The following RWDD4 variants were observed in gnomAD, a reference collection of about 807,000 sequenced individuals.
The protein encoded by RWDD4 is RWD domain-containing protein 4.
A neutral mutation model predicts 30.0 loss-of-function variants in RWDD4; 16 were observed. The ratio of observed to expected loss-of-function variants is 0.53; its 90% CI spans 0.36 to 0.81. RWDD4 has a LOEUF of 0.81. RWDD4 is among the 30% of genes least tolerant of loss of function. The pLI is 0.00. For synonymous variants in RWDD4, 45 were observed against 72.1 expected (o/e 0.62, Z 1.90); for missense variants, 170 against 223.9 (o/e 0.76, Z 1.54).
Position 183,641,520 on chromosome 4 carries a change from T to C in RWDD4, c.535-52A>G. The C allele has an allele frequency of 1.4e-6, 2 of 1,387,124 alleles. 1 individual carries two copies. Among genetic ancestry groups the C allele is most frequent in the South Asian group, 2.4e-5 (2 of 84,230 alleles). 85.9% of individuals were successfully genotyped at this position (1,387,124 alleles called of 1,614,324 possible). ...AACAAGTGGTATTTTCTGAGTTCACTATTTCCATGGAGTATCAAAATTAAA... is the reference window on the plus strand; with the variant it reads ...AACAAGTGGTATTTTCTGAGTTCACCATTTCCATGGAGTATCAAAATTAAA... On this transcript the variant is annotated intron_variant, in intron 7 of 7. Transcript: ENST00000326397.
At chr4:183,641,547 T>A in intron 7 of RWDD4, 79 bp from the exon 8 acceptor site, 1 of 1,112,874 alleles carries the variant, frequency 9.0e-7, no homozygotes, top group Non-Finnish European at 1.4e-6. Context: ...AAAATTAAAC[T>A]ATAGGCAACG....
At chr4:183,658,354 T>C (rs1469761134) in intron 1 of RWDD4, among the ~76,000 whole-genome samples, 3 of 152,118 alleles carry the variant, frequency 2.0e-5, no homozygotes, top group African/African-American at 7.2e-5. Flanking sequence ...AACTCTAATA[T>C]TATATGATTC....
Position 183,655,966 on chromosome 4 carries a change from A to T in RWDD4, c.25-5T>A. On this transcript the variant is annotated splice_region_variant and splice_polypyrimidine_tract_variant and intron_variant, in intron 1 of 7. Transcript: ENST00000326397. Reference sequence around the variant, plus strand: ...GCGTAATGCTTCTAGTTCCATCTGAAATAAAGAACTGAATGAGTTTTGTTT... The same window carrying T: ...GCGTAATGCTTCTAGTTCCATCTGATATAAAGAACTGAATGAGTTTTGTTT... 6.3e-7 allele frequency: 1 copy of T among 1,593,256 alleles called. No individual in the cohort carries two copies. The highest frequency in any genetic ancestry group is 8.6e-7 in the Non-Finnish European group (1 of 1,163,986).
At position 183,641,408 on chromosome 4, in the gene RWDD4, G is replaced by C. The variant is rs1353576978; in HGVS notation, c.*28C>G. On this transcript the variant is annotated 3_prime_UTR_variant, in exon 8 of 8. Coordinates refer to ENST00000326397, the MANE Select transcript of RWDD4 (RefSeq NM_152682.4). ...AACCCAGTTTTACTCTTTAAAGAATGCTCTTTCCTTGTCTCAAATTCCAAG... is the reference window on the plus strand; with the variant it reads ...AACCCAGTTTTACTCTTTAAAGAATCCTCTTTCCTTGTCTCAAATTCCAAG... 6.4e-7 allele frequency: 1 copy of C among 1,568,626 alleles called. No individual in the cohort carries two copies. The highest frequency in any genetic ancestry group is 1.4e-5 in the African/African-American group (1 of 73,698).
intron 7 of RWDD4, among the ~76,000 whole-genome samples, chr4:183,641,786 A>G (rs1733860972): frequency 6.6e-6 from 1 of 152,098 alleles, no homozygotes; most frequent in Non-Finnish European, 1.5e-5. Context: ...AATGAATGAC[A>G]CTCTTCAAAA....
rs1295761291 is a variant in RWDD4 at position 183,651,227 on chromosome 4, T to A, written c.206A>T (p.Asn69Ile). 5 of 1,613,584 alleles carry A rather than the reference T, an allele frequency of 3.1e-6. No individual in the cohort carries two copies. The highest frequency in any genetic ancestry group is 3.4e-6 in the Non-Finnish European group (4 of 1,179,860). Reference protein sequence around the residue: ...PPILSMNAFFNNTISSAVKQS... With the variant: ...PPILSMNAFFINTISSAVKQS... ...ACAAGACACTACTCACATGGTGTTG[T>A]TAAAAAAAGCGTTCATAGATAGAAT... The change falls in exon 3 of 8, where the codon AAC (asparagine) becomes ATC (isoleucine). Residue 69 changes from asparagine to isoleucine, a missense_variant. By Grantham distance (149) the Asn-to-Ile change is moderately radical. Transcript: ENST00000326397.
rs112186696 is a variant in RWDD4, at chr4:183,647,715, C to T, written c.482-1178G>A. Among the ~76,000 whole-genome samples, 581 of 152,266 alleles carry T rather than the reference C, an allele frequency of 3.8e-3. 3 individuals carry two copies. The highest frequency in any genetic ancestry group is 0.013 in the African/African-American group (554 of 41,558). Reference sequence around the variant, plus strand: ...TATTCAAAGAGAGATAAACCAAATTCTAGACAACAAACTGTAATGGCTAAC... The same window carrying T: ...TATTCAAAGAGAGATAAACCAAATTTTAGACAACAAACTGTAATGGCTAAC... On this transcript the variant is annotated intron_variant, in intron 5 of 7. Transcript: ENST00000326397.
chr4:183,647,474 A>G (rs1272715533), intron 5 of RWDD4, among the ~76,000 whole-genome samples: 2 of 152,180 alleles, frequency 1.3e-5, no homozygotes, highest in African/African-American at 2.4e-5. Context: ...AATTTTGGTT[A>G]ACTAAAACTT....
At chr4:183,650,634 C>G (rs1734055441) in intron 4 of RWDD4, among the ~76,000 whole-genome samples, 1 of 152,064 alleles carries the variant, frequency 6.6e-6, no homozygotes, top group African/African-American at 2.4e-5. Context: ...ATGCAGAAAG[C>G]AATTTCATAC....
At chr4:183,652,727 T>C (rs559250542) in intron 2 of RWDD4, among the ~76,000 whole-genome samples, 1 of 151,650 alleles carries the variant, frequency 6.6e-6, no homozygotes, top group South Asian at 2.1e-4. Context: ...GGAGAATCGC[T>C]TGAATCTGGT....
In RWDD4 at chr4:183,658,913, G is replaced by A; in HGVS notation, c.24+16C>T. The stretch of plus-strand genomic sequence containing the variant: ...CGCGCCCGCGCTGGGAGAGGGCCCT[G>A]AGCCGGGGGGCTCACCTCCTGGTCC... On this transcript the variant is annotated intron_variant, in intron 1 of 7. Transcript: ENST00000326397. The A allele has an allele frequency of 3.2e-6, 4 of 1,262,274 alleles. No homozygotes were observed. Among genetic ancestry groups the A allele is most frequent in the Non-Finnish European group, 4.0e-6 (4 of 1,005,116 alleles). 78.2% of individuals were successfully genotyped at this position (1,262,274 alleles called of 1,614,324 possible). A position where few individuals can be genotyped will look rare whatever the true frequency, so the allele number is the denominator to read the frequency against.
intron 7 of RWDD4, among the ~76,000 whole-genome samples, chr4:183,643,687 C>T (rs1295962956): frequency 2.0e-5 from 3 of 151,618 alleles, no homozygotes; most frequent in South Asian, 2.1e-4. Context: ...GAGGCCAAGG[C>T]GGGTGGATCA....
At chr4:183,658,780 G>T in intron 1 of RWDD4, 149 bp downstream of exon 1, 1 of 595,648 alleles carries the variant, frequency 1.7e-6, no homozygotes. Context: ...GCGCGCTTGG[G>T]TGGGACGCCG....
At chr4:183,646,658 A>C in intron 5 of RWDD4, 121 bp from the exon 6 acceptor site, 1 of 799,588 alleles carries the variant, frequency 1.3e-6, no homozygotes, top group Non-Finnish European at 1.9e-6. Flanking sequence ...CATATTACTA[A>C]GTTGGAAAAA....
At chr4:183,654,083 G>C (rs1561013616) in intron 2 of RWDD4, among the ~76,000 whole-genome samples, 1 of 152,042 alleles carries the variant, frequency 6.6e-6, no homozygotes, top group Non-Finnish European at 1.5e-5. Context: ...GTGAGAGAAA[G>C]ATCAAACAAT....
chr4:183,657,640 A>G (rs1406276417), intron 1 of RWDD4, among the ~76,000 whole-genome samples: 1 of 152,252 alleles, frequency 6.6e-6, no homozygotes, highest in East Asian at 1.9e-4. Flanking sequence ...TAGACAAAAC[A>G]GCAAGATGCC....
In RWDD4 at chr4:183,646,347, T is replaced by C; in HGVS notation, c.534+4A>G. The C allele has an allele frequency of 9.8e-7, 1 of 1,021,556 alleles. No individual in the cohort carries two copies. Among genetic ancestry groups the C allele is most frequent in the Non-Finnish European group, 1.6e-6 (1 of 641,920 alleles). 63.3% of individuals were successfully genotyped at this position (1,021,556 alleles called of 1,614,324 possible). ...AATGTAAAAGGTATTTCAAAAATAC[T>C]TACATGCTGAATGTAAAAAAGGAAA... On this transcript the variant is annotated splice_donor_region_variant and intron_variant, in intron 7 of 7. Coordinates refer to ENST00000326397, the MANE Select transcript of RWDD4 (RefSeq NM_152682.4).
chr4:183,643,002 T>C (rs1733890771), intron 7 of RWDD4, among the ~76,000 whole-genome samples: 1 of 149,288 alleles, frequency 6.7e-6, no homozygotes, highest in Admixed American at 6.8e-5. Context: ...GAGATTGCAG[T>C]GAGCCGAGAT....
At chr4:183,656,042 C>T (rs1174904759) in intron 1 of RWDD4, 81 bp from the exon 2 acceptor site, 4 of 909,964 alleles carry the variant, frequency 4.4e-6, no homozygotes, top group African/African-American at 1.7e-5. Flanking sequence ...TCATTCAAGC[C>T]CACTCAACTA....
Sources: allele counts gnomAD v4.1 joint callset (sites outside exome capture counted in the v4.1 genomes callset), GRCh38; gene constraint gnomAD v4.1.1; transcripts MANE v1.5; gene names NCBI Gene and HGNC (gene_info 2026-07-23, HGNC 2026-07-21).